Variants in PCSK5 observed in about 807,000 individuals in gnomAD.
PCSK5 encodes prohormone convertase 5.
Under a neutral mutation model 233.2 loss-of-function variants are expected in PCSK5, and 129 were observed. That is an observed-to-expected ratio of 0.55 (90% CI 0.48 to 0.64). PCSK5 has a LOEUF of 0.64. Among genes scored for constraint, PCSK5 ranks in the 30% least tolerant of loss-of-function variants. The pLI is 0.00. For synonymous variants in PCSK5, 825 were observed against 879.2 expected, an observed-to-expected ratio of 0.94 and a Z score of 1.09; for missense variants, 2,076 against 2,430.1, an observed-to-expected ratio of 0.85 and a Z score of 3.06.
rs202004678 is a variant in PCSK5, at chr9:75,908,815, CATCT to C, written c.192+17462_192+17465del. On this transcript the variant is annotated intron_variant, in intron 1 of 37. Coordinates refer to ENST00000674117, the MANE Select transcript of PCSK5 (RefSeq NM_001372043.1). ...CACTTGGCATTTTCATCTTACATGCCATCTATCTATCTATCTATCTATCCATCCA... is the reference window on the plus strand; with the variant it reads ...CACTTGGCATTTTCATCTTACATGCCATCTATCTATCTATCTATCCATCCA... 1.2e-3 allele frequency among the ~76,000 whole-genome samples: 178 copies of C among 151,840 alleles called. 1 individual carries two copies. In the Middle Eastern group the frequency reaches 0.017, roughly 15 times the overall value.
chr9:76,001,345 CTAAG>C (rs1248105512), intron 3 of PCSK5, among the ~76,000 whole-genome samples: 1 of 151,874 alleles, frequency 6.6e-6, no homozygotes, highest in African/African-American at 2.4e-5. Flanking sequence ...TTCTCTCTCT[CTAAG>C]TATTTTGAAA....
At position 76,321,537 on chromosome 9, in the gene PCSK5, G is replaced by C; in HGVS notation, c.4000G>C (p.Val1334Leu). The C allele has an allele frequency of 6.2e-7, 1 of 1,612,176 alleles. No individual in the cohort carries two copies. The highest frequency in any genetic ancestry group is 8.5e-7 in the Non-Finnish European group (1 of 1,179,208). Residue 1334 changes from valine (V) to leucine (L), a missense_variant, in exon 31 of 38, where the codon GTG becomes CTG. Val to Leu is a conservative substitution (Grantham distance 32). This residue lies in a region of PCSK5 where 1,510 missense variants were observed against 1,538.1 expected (regional missense o/e 0.98). Coordinates refer to ENST00000674117, the MANE Select transcript of PCSK5 (RefSeq NM_001372043.1). ...CEGGHVLHHG[V>L]CQENCPERHV... ...AGGAGGCCACGTCCTGCACCACGGA[G>C]TGTGCCAGGAAAACTGCCCCGAGAG...
chr9:76,048,896 G>A (rs1228692918), intron 5 of PCSK5, among the ~76,000 whole-genome samples: 1 of 152,192 alleles, frequency 6.6e-6, no homozygotes, highest in East Asian at 1.9e-4. Context: ...AGAATTCAGT[G>A]TCAATATAAA....
intron 2 of PCSK5, among the ~76,000 whole-genome samples, chr9:75,967,952 G>A (rs1458306098): frequency 6.6e-6 from 1 of 152,184 alleles, no homozygotes; most frequent in African/African-American, 2.4e-5. Context: ...AGTAGAGACG[G>A]GGTTTCTCCA....
At chr9:75,950,142 T>TGGGGG (rs1563932278) in intron 2 of PCSK5, among the ~76,000 whole-genome samples, 5 of 98,326 alleles carry the variant, frequency 5.1e-5, no homozygotes, top group Admixed American at 1.2e-4. Context: ...TGTGTGTGTG[T>TGGGGG]GTGGGGGGGG....
intron 1 of PCSK5, among the ~76,000 whole-genome samples, chr9:75,903,192 T>A (rs1826115370): frequency 1.3e-5 from 2 of 152,216 alleles, no homozygotes; most frequent in Non-Finnish European, 2.9e-5. Flanking sequence ...TAAACTTTAC[T>A]ACCTTATAGG....
intron 2 of PCSK5, among the ~76,000 whole-genome samples, chr9:75,934,637 A>G (rs1823968546): frequency 6.6e-6 from 1 of 151,574 alleles, no homozygotes; most frequent in African/African-American, 2.4e-5. Context: ...GCTGGAGTGC[A>G]ATGGCGCGAT....
intron 14 of PCSK5, among the ~76,000 whole-genome samples, chr9:76,176,812 T>A (rs904071267): frequency 6.6e-6 from 1 of 152,192 alleles, no homozygotes; most frequent in Non-Finnish European, 1.5e-5. Flanking sequence ...ATTTATATAG[T>A]TTAGAGTTGA....
At chr9:76,025,836 A>G (rs1354166163) in intron 4 of PCSK5, among the ~76,000 whole-genome samples, 1 of 152,196 alleles carries the variant, frequency 6.6e-6, no homozygotes, top group Non-Finnish European at 1.5e-5. Flanking sequence ...GTGCTATAAA[A>G]ATGTTCTACT....
chr9:76,078,288 C>G (rs1312313378), intron 7 of PCSK5, among the ~76,000 whole-genome samples: 1 of 152,032 alleles, frequency 6.6e-6, no homozygotes, highest in Non-Finnish European at 1.5e-5. Flanking sequence ...TAATTAGACC[C>G]AACTTATCAA....
chr9:76,008,091 G>A (rs1827561836), intron 3 of PCSK5, among the ~76,000 whole-genome samples: 1 of 151,936 alleles, frequency 6.6e-6, no homozygotes, highest in African/African-American at 2.4e-5. Flanking sequence ...CTACTGAGGA[G>A]GGGCTTTCTC....
At chr9:75,960,726 CTTATT>C (rs1825315030) in intron 2 of PCSK5, among the ~76,000 whole-genome samples, 1 of 152,190 alleles carries the variant, frequency 6.6e-6, no homozygotes, top group African/African-American at 2.4e-5. Flanking sequence ...CCGTGCTCTA[CTTATT>C]AACATTCGAC....
At chr9:76,268,296 T>G (rs1382502923) in intron 24 of PCSK5, among the ~76,000 whole-genome samples, 1 of 151,888 alleles carries the variant, frequency 6.6e-6, no homozygotes, top group East Asian at 1.9e-4. Flanking sequence ...CATACGCACA[T>G]ACACGTGCTT....
At chr9:76,054,227 T>A (rs1449041990) in intron 5 of PCSK5, among the ~76,000 whole-genome samples, 2 of 152,176 alleles carry the variant, frequency 1.3e-5, no homozygotes, top group African/African-American at 4.8e-5. Context: ...CAAGATGAGA[T>A]TTGGGTGGGG....
At chr9:75,937,983 A>C (rs1051995783) in intron 2 of PCSK5, among the ~76,000 whole-genome samples, 1 of 152,218 alleles carries the variant, frequency 6.6e-6, no homozygotes, top group Admixed American at 6.5e-5. Flanking sequence ...CAGACCACAA[A>C]AACTTTCTCC....
At chr9:76,134,280 G>A in intron 10 of PCSK5, 68 bp downstream of exon 10, 2 of 959,126 alleles carry the variant, frequency 2.1e-6, no homozygotes, top group Non-Finnish European at 1.6e-6. Flanking sequence ...TAAATGGAGA[G>A]CAGGAAACAG....
intron 12 of PCSK5, among the ~76,000 whole-genome samples, chr9:76,165,173 C>A (rs970624554): frequency 1.3e-5 from 2 of 151,968 alleles, no homozygotes; most frequent in Admixed American, 6.6e-5. Flanking sequence ...CAAGCTCTAC[C>A]TTAAATTGTA....
chr9:76,085,598 G>A (rs1324825883), intron 7 of PCSK5, among the ~76,000 whole-genome samples: 1 of 152,184 alleles, frequency 6.6e-6, no homozygotes, highest in Non-Finnish European at 1.5e-5. Context: ...GATAACAGCT[G>A]TAATTTTCTC....
intron 10 of PCSK5, among the ~76,000 whole-genome samples, chr9:76,152,734 C>T (rs565120463): frequency 1.9e-4 from 29 of 152,302 alleles, no homozygotes; most frequent in Non-Finnish European, 3.5e-4. Context: ...CTGCTTACAG[C>T]TTCTTATGCC....
Sources: gnomAD v4.1 joint callset for allele counts (sites outside exome capture counted in the v4.1 genomes callset) on GRCh38, gnomAD v4.1.1 for gene constraint, gnomAD v4.1.1 regional missense constraint, MANE v1.5 for transcripts, NCBI Gene and HGNC (gene_info 2026-07-23, HGNC 2026-07-21) for gene names.